The following SEMA3A variants were observed in gnomAD, a reference collection of about 807,000 sequenced individuals.
The protein encoded by SEMA3A is semaphorin-3A.
Under a neutral mutation model 97.9 loss-of-function variants are expected in SEMA3A, and 29 were observed. That is an observed-to-expected ratio of 0.30 (90% CI 0.22 to 0.40). The LOEUF is 0.40. Ranked by LOEUF, SEMA3A falls within the 10% of genes least tolerant of loss-of-function variation. SEMA3A has a pLI of 1.00. For synonymous variants in SEMA3A, 321 were observed against 323.7 expected (o/e 0.99, Z 0.09); for missense variants, 763 against 951.3 (o/e 0.80, Z 2.60).
At chr7:84,424,689 A>G (rs563214395) in intron 1 of SEMA3A, among the ~76,000 whole-genome samples, 6 of 82,402 alleles carry the variant, frequency 7.3e-5, no homozygotes, top group Non-Finnish European at 1.2e-4. Flanking sequence ...ATAAATATAT[A>G]ATATATTGAT....
At chr7:84,044,753 T>C (rs924649089) in intron 6 of SEMA3A, among the ~76,000 whole-genome samples, 1 of 151,980 alleles carries the variant, frequency 6.6e-6, no homozygotes, top group Non-Finnish European at 1.5e-5. Flanking sequence ...TATTGGGACT[T>C]TGTGGCATAC....
intron 2 of SEMA3A, among the ~76,000 whole-genome samples, chr7:84,329,422 T>C (rs954816571): frequency 6.6e-5 from 10 of 152,026 alleles, no homozygotes; most frequent in African/African-American, 9.7e-5. Context: ...TTTCAGCTCA[T>C]CAGCTATTGT....
intron 4 of SEMA3A, among the ~76,000 whole-genome samples, chr7:84,092,390 C>A (rs1001039090): frequency 1.3e-5 from 2 of 152,098 alleles, no homozygotes; most frequent in Non-Finnish European, 2.9e-5. Flanking sequence ...CTCCTTTGCA[C>A]TCTCACTTTA....
intron 4 of SEMA3A, among the ~76,000 whole-genome samples, chr7:84,094,309 T>A (rs1313940146): frequency 1.4e-5 from 2 of 146,958 alleles, no homozygotes; most frequent in African/African-American, 4.9e-5. Context: ...TCTCCCTACA[T>A]CTAAGATCTT....
chr7:84,437,935 T>G (rs1289500875), intron 1 of SEMA3A, among the ~76,000 whole-genome samples: 1 of 152,016 alleles, frequency 6.6e-6, no homozygotes, highest in Non-Finnish European at 1.5e-5. Flanking sequence ...AGCTGATTTT[T>G]TAAAAAACCT....
At chr7:84,310,148 C>T (rs1267854203) in intron 2 of SEMA3A, among the ~76,000 whole-genome samples, 1 of 152,022 alleles carries the variant, frequency 6.6e-6, no homozygotes, top group Non-Finnish European at 1.5e-5. Context: ...TCAATGCAGT[C>T]ATCATGCTGG....
chr7:84,148,891 T>C (rs546063335), intron 1 of SEMA3A, among the ~76,000 whole-genome samples: 1 of 152,340 alleles, frequency 6.6e-6, no homozygotes, highest in South Asian at 2.1e-4. Context: ...ATTAGAAGAA[T>C]ATAGTGTATA....
chr7:84,271,759 C>T (rs142833146), intron 3 of SEMA3A, among the ~76,000 whole-genome samples: 63 of 152,198 alleles, frequency 4.1e-4, no homozygotes, highest in African/African-American at 1.3e-3. Flanking sequence ...GGAGTGGGCA[C>T]AGATCTGTCA....
intron 6 of SEMA3A, among the ~76,000 whole-genome samples, chr7:84,044,239 T>A (rs1792257926): frequency 6.6e-6 from 1 of 152,036 alleles, no homozygotes; most frequent in Non-Finnish European, 1.5e-5. Flanking sequence ...ATATTGGATA[T>A]TCTAGAATAT....
At chr7:84,481,815 C>T (rs1806453976) in intron 1 of SEMA3A, among the ~76,000 whole-genome samples, 1 of 151,798 alleles carries the variant, frequency 6.6e-6, no homozygotes, top group Non-Finnish European at 1.5e-5. Flanking sequence ...GTGATAAGCA[C>T]TCAAAAGAAG....
intron 4 of SEMA3A, among the ~76,000 whole-genome samples, chr7:84,060,875 T>C (rs987424305): frequency 6.6e-6 from 1 of 152,188 alleles, no homozygotes; most frequent in Non-Finnish European, 1.5e-5. Flanking sequence ...TATGTTATAA[T>C]CTATCATAAT....
intron 2 of SEMA3A, among the ~76,000 whole-genome samples, chr7:84,365,008 AC>A (rs1802811818): frequency 6.6e-6 from 1 of 151,534 alleles, no homozygotes. Context: ...CAGCAATAGG[AC>A]CCTGCCTTAC....
chr7:84,240,268 T>G (rs1374889582), intron 3 of SEMA3A, among the ~76,000 whole-genome samples: 1 of 152,170 alleles, frequency 6.6e-6, no homozygotes, highest in African/African-American at 2.4e-5. Flanking sequence ...TAATGGCCAC[T>G]CAAAGATCTT....
At chr7:84,214,792 G>A (rs1010581593) in intron 3 of SEMA3A, among the ~76,000 whole-genome samples, 2 of 150,432 alleles carry the variant, frequency 1.3e-5, no homozygotes, top group African/African-American at 4.9e-5. Flanking sequence ...TCTGCCTCCT[G>A]GGTTCAAGCA....
At chr7:84,045,597 G>T (rs189681294) in intron 6 of SEMA3A, among the ~76,000 whole-genome samples, 36 of 151,432 alleles carry the variant, frequency 2.4e-4, no homozygotes, top group Non-Finnish European at 5.2e-4. Context: ...ATTTATTTTA[G>T]GTATATACAT....
At chr7:84,061,019 A>C (rs564090048) in intron 4 of SEMA3A, among the ~76,000 whole-genome samples, 4 of 152,334 alleles carry the variant, frequency 2.6e-5, no homozygotes, top group African/African-American at 4.8e-5. Context: ...ACTTTCCAGA[A>C]GACATGTTAA....
At chr7:84,441,190 TA>T (rs892298216) in intron 1 of SEMA3A, among the ~76,000 whole-genome samples, 7 of 150,106 alleles carry the variant, frequency 4.7e-5, no homozygotes, top group South Asian at 2.1e-4. Flanking sequence ...AAAATAAAAA[TA>T]AAAAAAACAG....
chr7:84,195,610 T>G (rs1302999414), upstream of SEMA3A, among the ~76,000 whole-genome samples: 2 of 151,956 alleles, frequency 1.3e-5, no homozygotes, highest in Non-Finnish European at 2.9e-5. Context: ...ATTCCAACAA[T>G]CAGTTCAAGA....
At position 83,988,288 on chromosome 7, in the gene SEMA3A, G is replaced by A. The variant is rs554115684; in HGVS notation, c.1453-2811C>T. ...GTCGCCGAGGCTGGAGTGCAGTGGC[G>A]TGATCTCGGCTCGCTGCTAGCTCTG... On this transcript the variant is annotated intron_variant, in intron 12 of 16. Coordinates refer to ENST00000265362, the MANE Select transcript of SEMA3A (RefSeq NM_006080.3). 2.4e-4 allele frequency among the ~76,000 whole-genome samples: 36 copies of A among 152,054 alleles called. No individual in the cohort carries two copies. In the South Asian group the frequency reaches 7.5e-3, roughly 32 times the overall value.
Sources: allele counts gnomAD v4.1 joint callset (sites outside exome capture counted in the v4.1 genomes callset), GRCh38; gene constraint gnomAD v4.1.1; transcripts MANE v1.5; gene names NCBI Gene and HGNC (gene_info 2026-07-23, HGNC 2026-07-21).